The following TENM2 variants were observed in gnomAD, a reference collection of about 807,000 sequenced individuals.
The protein encoded by TENM2 is teneurin-2.
A neutral mutation model predicts 245.2 loss-of-function variants in TENM2; 52 were observed. That is an observed-to-expected ratio of 0.21 (90% CI 0.17 to 0.27). TENM2 has a LOEUF of 0.27. Among genes scored for constraint, TENM2 ranks in the 10% least tolerant of loss-of-function variants. TENM2 has a pLI of 1.00. For synonymous variants in TENM2, 1,363 were observed against 1,438.9 expected, an observed-to-expected ratio of 0.95 and a Z score of 1.19; for missense variants, 3,046 against 3,666.8, an observed-to-expected ratio of 0.83 and a Z score of 4.37.
intron 2 of TENM2, among the ~76,000 whole-genome samples, chr5:167,447,614 T>G (rs1317933907): frequency 6.6e-6 from 1 of 152,186 alleles, no homozygotes; most frequent in Non-Finnish European, 1.5e-5. Flanking sequence ...TTTGCAAACC[T>G]GAAGAGTAAC....
At chr5:167,217,510 G>A in the TENM2 span, among the ~76,000 whole-genome samples, 187 of 152,062 alleles carry the variant, frequency 1.2e-3, no homozygotes, top group African/African-American at 4.3e-3. Context: ...GAAGAAAGGC[G>A]TTGTGAAATC....
chr5:167,866,589 A>C (rs993684609), intron 2 of TENM2, among the ~76,000 whole-genome samples: 2 of 152,274 alleles, frequency 1.3e-5, no homozygotes, highest in African/African-American at 2.4e-5. Context: ...TCATATTCAA[A>C]AGGACAGTTG....
chr5:167,178,490 A>T, the TENM2 span, among the ~76,000 whole-genome samples: 1 of 152,076 alleles, frequency 6.6e-6, no homozygotes, highest in Non-Finnish European at 1.5e-5. Flanking sequence ...GTAAGGATGG[A>T]GTGTTAGCGC....
chr5:167,724,291 T>G (rs2337016), intron 2 of TENM2, among the ~76,000 whole-genome samples: 14,818 of 151,788 alleles, frequency 0.098, 1,759 homozygotes, highest in African/African-American at 0.29. Flanking sequence ...ATTACTAGTT[T>G]TTTTTTTTTT....
intron 2 of TENM2, among the ~76,000 whole-genome samples, chr5:167,401,434 C>T (rs1195003858): frequency 2.0e-5 from 3 of 152,024 alleles, no homozygotes; most frequent in African/African-American, 7.2e-5. Context: ...TCATGAGCAG[C>T]CAGTAAGATT....
At chr5:168,038,997 C>T (rs1330593297) in intron 5 of TENM2, among the ~76,000 whole-genome samples, 1 of 152,100 alleles carries the variant, frequency 6.6e-6, no homozygotes, top group African/African-American at 2.4e-5. Context: ...CAACCCTCTC[C>T]TCCCTTGCCT....
In TENM2 at chr5:168,168,482, C is replaced by T. The variant is rs1758503017; in HGVS notation, c.2569+5725C>T. 2.0e-5 allele frequency among the ~76,000 whole-genome samples: 3 copies of T among 152,112 alleles called. No homozygotes were observed. The South Asian group carries it at 6.2e-4, about 32-fold the overall frequency. ...ATTACTTGAGCTCAAGAGTTCAAGA[C>T]CAGCCTCGGCAACATGGTGAAACCC... On this transcript the variant is annotated intron_variant, in intron 13 of 28. Transcript: ENST00000518659.
the TENM2 span, among the ~76,000 whole-genome samples, chr5:167,087,787 A>C: frequency 6.6e-6 from 1 of 151,454 alleles, no homozygotes; most frequent in South Asian, 2.1e-4. Flanking sequence ...GTGGAGCAAT[A>C]TCTCTCTTTT....
At chr5:167,079,998 G>A in the TENM2 span, among the ~76,000 whole-genome samples, 1 of 152,212 alleles carries the variant, frequency 6.6e-6, no homozygotes, top group Admixed American at 6.5e-5. Context: ...ATAGTTATAT[G>A]TGGATTAAAC....
chr5:167,158,849 T>G, the TENM2 span, among the ~76,000 whole-genome samples: 1 of 69,108 alleles, frequency 1.4e-5, no homozygotes, highest in African/African-American at 5.7e-5. Flanking sequence ...ATAGCAGCCC[T>G]TCCTTCCTTC....
chr5:167,666,482 G>A (rs1755584409), intron 2 of TENM2, among the ~76,000 whole-genome samples: 1 of 152,024 alleles, frequency 6.6e-6, no homozygotes, highest in Non-Finnish European at 1.5e-5. Flanking sequence ...CATTAATTAT[G>A]ATATTGAATA....
At chr5:167,470,863 T>C (rs1347899633) in intron 2 of TENM2, among the ~76,000 whole-genome samples, 2 of 152,058 alleles carry the variant, frequency 1.3e-5, no homozygotes, top group Non-Finnish European at 2.9e-5. Context: ...TAGAGACCCA[T>C]TGAAGGAGGT....
exon 5 of TENM2, chr5:167,993,159 C>G (rs1458433051): frequency 1.9e-6 from 3 of 1,613,958 alleles, no homozygotes; most frequent in Non-Finnish European, 2.5e-6. Context: ...CTCCTCTTGG[C>G]TATTTTGCTG....
intron 5 of TENM2, among the ~76,000 whole-genome samples, chr5:168,023,410 C>G (rs1786332214): frequency 6.6e-6 from 1 of 152,144 alleles, no homozygotes; most frequent in South Asian, 2.1e-4. Flanking sequence ...CCAGAGAACT[C>G]TCTCTCTGGC....
intron 2 of TENM2, among the ~76,000 whole-genome samples, chr5:167,475,037 A>T (rs1221531603): frequency 1.3e-5 from 2 of 152,220 alleles, no homozygotes; most frequent in Non-Finnish European, 2.9e-5. Flanking sequence ...TGTGAAAAAT[A>T]ATAAAAATTG....
At chr5:167,673,462 C>T (rs1756097490) in intron 2 of TENM2, among the ~76,000 whole-genome samples, 1 of 152,098 alleles carries the variant, frequency 6.6e-6, no homozygotes, top group Non-Finnish European at 1.5e-5. Flanking sequence ...CATCATTTGT[C>T]TCTACTAAAG....
chr5:167,749,441 C>T (rs912536423), intron 2 of TENM2, among the ~76,000 whole-genome samples: 18 of 152,070 alleles, frequency 1.2e-4, no homozygotes, highest in African/African-American at 4.1e-4. Context: ...AGTTCAAGAC[C>T]AGCCTGGCCA....
chr5:168,052,378 G>A lies in TENM2; in HGVS notation c.1309+4829G>A, dbSNP rs535086815. ...TGCACTCCAGCCTGGGCAACAGAGC[G>A]AGACTCTGTGTCCATATATACACAC... On this transcript the variant is annotated intron_variant, in intron 6 of 28. Coordinates refer to ENST00000518659, the Ensembl canonical transcript of TENM2. 4.1e-4 allele frequency among the ~76,000 whole-genome samples: 62 copies of A among 151,888 alleles called. 1 individual carries two copies. The South Asian group carries it at 9.4e-3, about 23-fold the overall frequency.
chr5:168,131,984 C>T (rs1385562335), intron 12 of TENM2, among the ~76,000 whole-genome samples: 1 of 152,034 alleles, frequency 6.6e-6, no homozygotes, highest in East Asian at 1.9e-4. Context: ...TATGGATAAA[C>T]TTTTAACAGA....
Sources: gnomAD v4.1 joint callset for allele counts (sites outside exome capture counted in the v4.1 genomes callset) on GRCh38, gnomAD v4.1.1 for gene constraint, MANE v1.5 for transcripts, NCBI Gene and HGNC (gene_info 2026-07-23, HGNC 2026-07-21) for gene names.